The following MRPL34 variants were observed in gnomAD, a reference collection of about 807,000 sequenced individuals.
MRPL34 encodes mitochondrial ribosomal protein L34.
In MRPL34, 8 loss-of-function variants were observed where a neutral mutation model predicts 6.7. The ratio of observed to expected loss-of-function variants is 1.20; its 90% CI spans 0.70 to 2.16. MRPL34 has a LOEUF of 2.16. Among genes scored for constraint, MRPL34 ranks in the 30% most tolerant of loss-of-function variants. MRPL34 has a pLI of 0.00. For synonymous variants in MRPL34, 59 were observed against 55.1 expected (o/e 1.07, Z -0.31); for missense variants, 146 against 125.5 (o/e 1.16, Z -0.78).
chr19:17,305,860 C>T (rs1202498599), upstream of MRPL34: 4 of 1,609,988 alleles, frequency 2.5e-6, no homozygotes, highest in African/African-American at 5.3e-5. Flanking sequence ...TCCGGAATCG[C>T]CCGCAGCCGG....
upstream of MRPL34, among the ~76,000 whole-genome samples, chr19:17,304,019 C>T (rs2074134539): frequency 6.6e-6 from 1 of 151,776 alleles, no homozygotes; most frequent in African/African-American, 2.4e-5. Flanking sequence ...AGACTGGTCT[C>T]GAACTCTGGG....
intron 1 of MRPL34, chr19:17,297,601 G>T (rs2074098601): frequency 6.6e-6 from 1 of 152,000 alleles, no homozygotes; most frequent in South Asian, 2.1e-4. Context: ...GCAGGTGGGT[G>T]CTCATTTAAT....
upstream of MRPL34, chr19:17,305,566 A>C: frequency 3.2e-6 from 1 of 311,716 alleles, no homozygotes; most frequent in Non-Finnish European, 6.1e-6. Context: ...ACCGCGGGGC[A>C]CCCTCTGCCG....
chr19:17,301,599 G>T (rs1156301493), upstream of MRPL34: 3 of 1,553,876 alleles, frequency 1.9e-6, no homozygotes, highest in African/African-American at 2.7e-5. Flanking sequence ...AGATACCGTC[G>T]GTCACCCCGG....
At chr19:17,298,350 G>C (rs2074102511), upstream of MRPL34, 1 of 152,168 alleles carries the variant, frequency 6.6e-6, no homozygotes, top group South Asian at 2.1e-4. Context: ...AAGCCCTGGG[G>C]ACCAAGCCTT....
upstream of MRPL34, among the ~76,000 whole-genome samples, chr19:17,305,241 CT>C (rs34823570): frequency 0.3 from 36,293 of 121,018 alleles, 4,855 homozygotes; most frequent in South Asian, 0.37. Context: ...ATTTTTCTTC[CT>C]TTTTTTTTTT....
intron 1 of MRPL34, among the ~76,000 whole-genome samples, chr19:17,293,953 C>T (rs576823931): frequency 6.6e-6 from 1 of 152,070 alleles, no homozygotes; most frequent in African/African-American, 2.4e-5. Flanking sequence ...CCCCTGGTGC[C>T]GGTCTTCTAG....
At chr19:17,301,559 C>A, upstream of MRPL34, 1 of 1,599,338 alleles carries the variant, frequency 6.3e-7, no homozygotes, top group Non-Finnish European at 8.5e-7. Context: ...GGCCCCACGG[C>A]GTTGGGGGGC....
At chr19:17,299,713 GA>G (rs959706200), upstream of MRPL34, among the ~76,000 whole-genome samples, 5 of 151,152 alleles carry the variant, frequency 3.3e-5, no homozygotes, top group African/African-American at 7.3e-5. Context: ...CTATTTAAAA[GA>G]AAAAAAAATT....
Position 17,305,914 on chromosome 19 carries a change from C to T in MRPL34, c.22C>T (p.Leu8=), listed in dbSNP as rs778626927. Reference sequence around the variant, plus strand: ...GGATATGGCTGTCTTGGCTGGATCCCTGTTGGGCCCCACGAGTAGGTCGGC... The same window carrying T: ...GGATATGGCTGTCTTGGCTGGATCCTTGTTGGGCCCCACGAGTAGGTCGGC... MAVLAGS[L]LGPTSRSAAL... is the part of the protein sequence containing the mutation. The change falls in exon 1 of 2, where the codon CTG becomes TTG. Residue 8 remains leucine, a synonymous_variant. Coordinates refer to ENST00000252602, the MANE Select transcript of MRPL34 (RefSeq NM_023937.4). 5.6e-6 allele frequency: 9 copies of T among 1,614,010 alleles called. No homozygotes were observed. The African/African-American group carries it at 9.3e-5, about 17-fold the overall frequency.
intron 1 of MRPL34, chr19:17,294,336 G>A (rs1184045966): frequency 1.2e-6 from 2 of 1,612,168 alleles, no homozygotes; most frequent in African/African-American, 2.7e-5. Context: ...TATCGTGCAT[G>A]CCGTGGACAA....
chr19:17,298,074 C>G (rs895060052), upstream of MRPL34: 3 of 152,048 alleles, frequency 2.0e-5, no homozygotes, highest in Non-Finnish European at 2.9e-5. Flanking sequence ...GCCACCATGC[C>G]TGGCTAATTT....
At position 17,294,148 on chromosome 19, in the gene MRPL34, C is replaced by T. The variant is rs2074082724; in HGVS notation, c.214+1294C>T. The T allele has an allele frequency of 3.9e-6, 4 of 1,022,664 alleles. No individual in the cohort carries two copies. The South Asian group carries it at 4.8e-5, about 12-fold the overall frequency. 63.3% of individuals were successfully genotyped at this position (1,022,664 alleles called of 1,614,324 possible). A position where few individuals can be genotyped will look rare whatever the true frequency, so the allele number is the denominator to read the frequency against. ...CAGAACAAGATACAGCAACTAGAGGCCACGCCCACCCGGCAGCCACGCCCC... is the reference window on the plus strand; with the variant it reads ...CAGAACAAGATACAGCAACTAGAGGTCACGCCCACCCGGCAGCCACGCCCC... On this transcript the variant is annotated intron_variant, in intron 1 of 2. Coordinates refer to the MRPL34 transcript ENST00000595444.
chr19:17,304,845 T>C (rs35578411), upstream of MRPL34, among the ~76,000 whole-genome samples: 18,121 of 152,054 alleles, frequency 0.12, 1,474 homozygotes, highest in African/African-American at 0.23. Flanking sequence ...GCATTGGCGC[T>C]ATCATTGCTC....
chr19:17,294,311 C>G (rs1214198567), intron 1 of MRPL34: 2 of 1,608,208 alleles, frequency 1.2e-6, no homozygotes, highest in African/African-American at 2.7e-5. Context: ...TGGTCTTCCT[C>G]CACCGGCACA....
upstream of MRPL34, chr19:17,301,272 G>A (rs768184815): frequency 9.2e-5 from 148 of 1,603,402 alleles, 1 homozygote; most frequent in Admixed American, 1.7e-4. Context: ...CCTCCAGGGC[G>A]GCCGGCGGCT....
At chr19:17,306,122 C>A in intron 1 of MRPL34, 44 bp from the exon 2 acceptor site, 2 of 1,496,654 alleles carry the variant, frequency 1.3e-6, no homozygotes, top group South Asian at 1.3e-5. Context: ...CAAGGTCACC[C>A]AGCGCCCCGT....
upstream of MRPL34, chr19:17,301,248 A>G (rs183475016): frequency 5.8e-4 from 929 of 1,597,454 alleles, 4 homozygotes; most frequent in African/African-American, 8.6e-3. Context: ...TGCCCGCCGG[A>G]TCTGCCAGCT....
Position 17,306,246 on chromosome 19 carries a change from G to C in MRPL34, c.146G>C (p.Arg49Pro). The change falls in exon 2 of 2, where the codon CGC becomes CCC. Residue 49 changes from arginine to proline, a missense_variant. By Grantham distance (103) the Arg-to-Pro change is moderately radical. Transcript: ENST00000252602. ...CCGCAGCAGGCCCGGGGCAAGGCTCGCGGGAATGAGTATCAGCCGAGCAAC... is the reference window on the plus strand; with the variant it reads ...CCGCAGCAGGCCCGGGGCAAGGCTCCCGGGAATGAGTATCAGCCGAGCAAC... ...PTPQQARGKA[R>P]GNEYQPSNIK... is the part of the protein sequence containing the mutation. 6.3e-7 allele frequency: 1 copy of C among 1,587,874 alleles called. No homozygotes were observed. Among genetic ancestry groups the C allele is most frequent in the Non-Finnish European group, 8.6e-7 (1 of 1,167,802 alleles).
Sources: gnomAD v4.1 joint callset for allele counts (sites outside exome capture counted in the v4.1 genomes callset) on GRCh38, gnomAD v4.1.1 for gene constraint, MANE v1.5 for transcripts, NCBI Gene and HGNC (gene_info 2026-07-23, HGNC 2026-07-21) for gene names.